The following CTNNA2 variants were observed in gnomAD, a reference collection of about 807,000 sequenced individuals.
The protein encoded by CTNNA2 is catenin alpha-2.
Under a neutral mutation model 101.0 loss-of-function variants are expected in CTNNA2, and 42 were observed. The ratio of observed to expected loss-of-function variants is 0.42; its 90% CI spans 0.32 to 0.54. The LOEUF (loss-of-function observed/expected upper bound fraction) is 0.54. Ranked by LOEUF, CTNNA2 falls within the 20% of genes least tolerant of loss-of-function variation. The probability of loss-of-function intolerance (pLI) is 0.14; values close to 1 mark genes in which losing one functional copy is unlikely to be tolerated. For missense variants in CTNNA2, 871 were observed against 1,223.1 expected (o/e 0.71, Z 4.29); for synonymous variants, 450 against 456.4 (o/e 0.99, Z 0.18).
intron 3 of CTNNA2, among the ~76,000 whole-genome samples, chr2:79,842,644 A>C (rs1197328087): frequency 2.0e-5 from 3 of 151,898 alleles, no homozygotes; most frequent in Admixed American, 2.0e-4. Flanking sequence ...GAAGCTGACT[A>C]TCTCATGTGA....
chr2:79,522,888 C>T (rs565988769), intron 1 of CTNNA2, among the ~76,000 whole-genome samples: 2 of 152,128 alleles, frequency 1.3e-5, no homozygotes, highest in Admixed American at 6.5e-5. Context: ...TTGTCTTTTG[C>T]ACTTACAGTA....
intron 7 of CTNNA2, among the ~76,000 whole-genome samples, chr2:80,131,007 T>C (rs1702384986): frequency 6.6e-6 from 1 of 151,506 alleles, no homozygotes; most frequent in African/African-American, 2.4e-5. Flanking sequence ...CAAAAAAGCA[T>C]ATGGTTTAGT....
intron 2 of CTNNA2, among the ~76,000 whole-genome samples, chr2:79,670,955 A>C (rs1682795561): frequency 6.6e-6 from 1 of 152,234 alleles, no homozygotes; most frequent in Non-Finnish European, 1.5e-5. Flanking sequence ...TATTTTAAAA[A>C]TCATCGCAAT....
At chr2:80,468,169 T>C (rs149129257) in intron 9 of CTNNA2, among the ~76,000 whole-genome samples, 1 of 152,138 alleles carries the variant, frequency 6.6e-6, no homozygotes, top group African/African-American at 2.4e-5. Flanking sequence ...GAAGGCAGGA[T>C]TGGCTTTTGA....
intron 7 of CTNNA2, among the ~76,000 whole-genome samples, chr2:80,194,700 G>C (rs927385598): frequency 2.0e-5 from 3 of 149,880 alleles, no homozygotes; most frequent in Non-Finnish European, 4.4e-5. Flanking sequence ...TTTATTTGAG[G>C]AAAAATACCC....
intron 7 of CTNNA2, among the ~76,000 whole-genome samples, chr2:80,163,725 A>G (rs1411951343): frequency 6.6e-6 from 1 of 152,130 alleles, no homozygotes; most frequent in Non-Finnish European, 1.5e-5. Flanking sequence ...ATTGAAATCT[A>G]CAGCAATAAT....
chr2:79,330,720 T>C (rs947476343), intron 3 of CTNNA2, among the ~76,000 whole-genome samples: 3 of 152,192 alleles, frequency 2.0e-5, no homozygotes, highest in Non-Finnish European at 4.4e-5. Context: ...GATGGTCTTA[T>C]AAAGGGGAGT....
In CTNNA2 at chr2:79,744,406, C is replaced by T; in HGVS notation, c.122C>T (p.Thr41Ile). The T allele has an allele frequency of 3.1e-6, 5 of 1,612,458 alleles. No homozygotes were observed. The highest frequency in any genetic ancestry group is 4.2e-6 in the Non-Finnish European group (5 of 1,179,500). ...LVTQVTTLVN[T>I]SNKGPSGKKK... ...TTTAAGGTGACTACACTTGTCAACA[C>T]AAGCAACAAAGGCCCATCTGGTAAA... The change falls in exon 3 of 19, where the codon ACA (threonine) becomes ATA (isoleucine). Residue 41 changes from threonine to isoleucine, a missense_variant. Physicochemically the swap from Thr to Ile is moderately conservative, Grantham distance 89. Transcript: ENST00000402739.
intron 2 of CTNNA2, among the ~76,000 whole-genome samples, chr2:79,259,439 T>A (rs779732202): frequency 6.6e-6 from 1 of 151,972 alleles, no homozygotes; most frequent in Non-Finnish European, 1.5e-5. Context: ...CATTCAGAGG[T>A]GAACAGGAAA....
intron 4 of CTNNA2, among the ~76,000 whole-genome samples, chr2:79,477,168 CTT>C (rs5832392): frequency 8.4e-4 from 103 of 123,118 alleles, no homozygotes; most frequent in Admixed American, 1.2e-3. Context: ...TCTTTTTTTT[CTT>C]TTTTTTTTTT....
chr2:79,613,715 CTTG>C (rs1424153347), intron 1 of CTNNA2, among the ~76,000 whole-genome samples: 1 of 152,092 alleles, frequency 6.6e-6, no homozygotes, highest in Admixed American at 6.6e-5. Flanking sequence ...GAGACAGGGT[CTTG>C]TTGTGTTGCC....
At chr2:79,406,153 A>G (rs1678339437) in intron 4 of CTNNA2, among the ~76,000 whole-genome samples, 1 of 152,086 alleles carries the variant, frequency 6.6e-6, no homozygotes, top group African/African-American at 2.4e-5. Flanking sequence ...GGTCATTGAT[A>G]CTTTACAGAG....
chr2:79,214,506 A>G (rs1006483788), intron 2 of CTNNA2, among the ~76,000 whole-genome samples: 3 of 152,274 alleles, frequency 2.0e-5, no homozygotes, highest in Admixed American at 6.5e-5. Context: ...CCATGCTATA[A>G]CAGGCGAGTG....
chr2:79,950,131 C>T (rs1401888361), intron 7 of CTNNA2, among the ~76,000 whole-genome samples: 2 of 147,626 alleles, frequency 1.4e-5, no homozygotes, highest in African/African-American at 2.5e-5. Flanking sequence ...AAGATCAATA[C>T]AGATTTTGTG....
At chr2:79,733,798 T>A (rs963325343) in intron 2 of CTNNA2, among the ~76,000 whole-genome samples, 7 of 152,102 alleles carry the variant, frequency 4.6e-5, no homozygotes, top group Non-Finnish European at 8.8e-5. Flanking sequence ...CTATAGAGTA[T>A]GTGCACCCTG....
Position 80,584,551 on chromosome 2 carries a change from C to T in CTNNA2, c.2007+2732C>T, listed in dbSNP as rs991682559. Among the ~76,000 whole-genome samples, 7 of 151,968 alleles carry T rather than the reference C, an allele frequency of 4.6e-5. No individual in the cohort carries two copies. The East Asian group carries it at 9.8e-4, about 21-fold the overall frequency. ...AGACATGACATAATATAAACTGTTT[C>T]TCCACAGTCTGGCATAGTTAAAATA... On this transcript the variant is annotated intron_variant, in intron 14 of 18. Coordinates refer to ENST00000402739, the MANE Select transcript of CTNNA2 (RefSeq NM_001282597.3).
intron 8 of CTNNA2, among the ~76,000 whole-genome samples, chr2:80,395,518 C>T (rs1335998293): frequency 6.6e-6 from 1 of 152,152 alleles, no homozygotes; most frequent in Non-Finnish European, 1.5e-5. Context: ...TGTAGTGGCA[C>T]AAAAGCTTCT....
intron 7 of CTNNA2, among the ~76,000 whole-genome samples, chr2:80,245,995 C>T (rs1255042686): frequency 2.0e-5 from 3 of 151,780 alleles, no homozygotes; most frequent in African/African-American, 4.8e-5. Flanking sequence ...GGGGTGTCAC[C>T]GTGTTAGCCA....
intron 7 of CTNNA2, among the ~76,000 whole-genome samples, chr2:80,253,370 A>G (rs552777904): frequency 3.9e-5 from 6 of 152,234 alleles, no homozygotes; most frequent in Admixed American, 3.9e-4. Flanking sequence ...GTTTCCTATT[A>G]GTTCTAAAAC....
Sources: allele counts gnomAD v4.1 joint callset (sites outside exome capture counted in the v4.1 genomes callset), GRCh38; gene constraint gnomAD v4.1.1; transcripts MANE v1.5; gene names NCBI Gene and HGNC (gene_info 2026-07-23, HGNC 2026-07-21).